Variants in ATG14 observed in about 807,000 individuals in gnomAD.
ATG14 encodes the protein autophagy related 14.
A neutral mutation model predicts 60.4 loss-of-function variants in ATG14; 35 were observed. That is an observed-to-expected ratio of 0.58 (90% CI 0.44 to 0.77). The LOEUF (loss-of-function observed/expected upper bound fraction) is 0.77. Ranked by LOEUF, ATG14 falls within the 30% of genes least tolerant of loss-of-function variation. The pLI, the probability that ATG14 is intolerant of heterozygous loss-of-function variation, is 0.00. For missense variants in ATG14, 647 were observed against 626.3 expected, an observed-to-expected ratio of 1.03 and a Z score of -0.35; for synonymous variants, 234 against 228.8, an observed-to-expected ratio of 1.02 and a Z score of -0.21.
At chr14:55,376,787 T>A (rs1884926296) in intron 9 of ATG14, among the ~76,000 whole-genome samples, 1 of 152,062 alleles carries the variant, frequency 6.6e-6, no homozygotes, top group South Asian at 2.1e-4. Flanking sequence ...CCATATCACA[T>A]CTCTGCAGAA....
Position 55,395,957 on chromosome 14 carries a change from AT to A in ATG14, c.309del (p.Lys103AsnfsTer3), listed in dbSNP as rs1290250509. The A allele has an allele frequency of 1.9e-6, 3 of 1,596,440 alleles. No homozygotes were observed. Among genetic ancestry groups the A allele is most frequent in the Non-Finnish European group, 1.7e-6 (2 of 1,173,164 alleles). On this transcript the variant is annotated frameshift_variant, in exon 3 of 10. Coordinates refer to ENST00000247178, the MANE Select transcript of ATG14 (RefSeq NM_014924.5). LOFTEE classifies it high-confidence loss of function. Reference sequence around the variant, plus strand: ...CAACTTACCAACTGATCTGTTATCCATTTTCCTTCCATAGCTTTTAACACTC... The same window carrying A: ...CAACTTACCAACTGATCTGTTATCCATTTCCTTCCATAGCTTTTAACACTC... Reference protein sequence around the residue: ...QKEVLKAMEGKWITDQLRWKI... With the variant: ...QKEVLKAMEGXWITDQLRWKI...
chr14:55,408,223 C>T (rs936081033), intron 1 of ATG14, among the ~76,000 whole-genome samples: 3 of 152,084 alleles, frequency 2.0e-5, no homozygotes, highest in African/African-American at 7.2e-5. Flanking sequence ...GAGGCTGAGG[C>T]TGGTGGATGG....
At chr14:55,386,169 A>G in intron 4 of ATG14, 73 bp from the exon 5 acceptor site, 1 of 1,264,530 alleles carries the variant, frequency 7.9e-7, no homozygotes, top group Middle Eastern at 1.9e-4. Context: ...TCCACCCCAC[A>G]AACATGCGTG....
chr14:55,378,359 T>G (rs1032965244), intron 7 of ATG14, among the ~76,000 whole-genome samples: 1 of 152,212 alleles, frequency 6.6e-6, no homozygotes, highest in African/African-American at 2.4e-5. Context: ...ATGTACAAGA[T>G]TATTTCTTGA....
In ATG14 at chr14:55,382,095, T is replaced by A; in HGVS notation, c.744A>T (p.Gly248=). The A allele has an allele frequency of 6.2e-7, 1 of 1,614,132 alleles. No individual in the cohort carries two copies. The highest frequency in any genetic ancestry group is 8.5e-7 in the Non-Finnish European group (1 of 1,180,012). Residue 248 remains glycine, a synonymous_variant, in exon 6 of 10, where the codon GGA becomes GGT. Transcript: ENST00000247178. ...AEARRTTYLS[G]RWVCDDHNGD... ...CGTTGTGATCGTCACAGACCCATCG[T>A]CCTGAGAGGTAAGTTGTCCTCCGGG...
intron 1 of ATG14, among the ~76,000 whole-genome samples, chr14:55,403,148 T>C (rs1175647629): frequency 6.6e-6 from 1 of 151,164 alleles, no homozygotes; most frequent in Non-Finnish European, 1.5e-5. Context: ...CAAAGTGTTG[T>C]TTAGTTTCCT....
intron 5 of ATG14, among the ~76,000 whole-genome samples, chr14:55,384,659 G>A (rs928535457): frequency 1.3e-5 from 2 of 152,324 alleles, no homozygotes; most frequent in Admixed American, 1.3e-4. Flanking sequence ...TTTTTAGGAA[G>A]CCAACTCTGG....
At chr14:55,398,874 A>G (rs926794654) in intron 1 of ATG14, among the ~76,000 whole-genome samples, 1 of 152,056 alleles carries the variant, frequency 6.6e-6, no homozygotes, top group African/African-American at 2.4e-5. Context: ...AAATTGTATG[A>G]CTAACATCAT....
Position 55,380,708 on chromosome 14 carries a change from C to A in ATG14, c.878-18G>T. 3.3e-6 allele frequency: 5 copies of A among 1,521,640 alleles called. No individual in the cohort carries two copies. Among genetic ancestry groups the A allele is most frequent in the Non-Finnish European group, 4.5e-6 (5 of 1,111,802 alleles). 94.3% of individuals were successfully genotyped at this position (1,521,640 alleles called of 1,614,324 possible). On this transcript the variant is annotated intron_variant, in intron 6 of 9. Coordinates refer to ENST00000247178, the MANE Select transcript of ATG14 (RefSeq NM_014924.5). ...CTCCATGTCTGCAGTAAGAAAACAA[C>A]CACCATGTACAAAACCTTAATTCCA...
intron 7 of ATG14, 112 bp downstream of exon 7, chr14:55,380,461 C>A (rs1275544689): frequency 1.6e-5 from 11 of 699,318 alleles, no homozygotes; most frequent in Non-Finnish European, 2.5e-5. Context: ...CCGACCTTCT[C>A]TGTCTTGGTA....
intron 2 of ATG14, among the ~76,000 whole-genome samples, chr14:55,396,224 A>G (rs1885312000): frequency 6.6e-6 from 1 of 152,212 alleles, no homozygotes. Context: ...AAATCTGCCT[A>G]ACAGTCTTAG....
chr14:55,388,301 G>A (rs1885158728), intron 4 of ATG14, among the ~76,000 whole-genome samples: 1 of 152,174 alleles, frequency 6.6e-6, no homozygotes, highest in African/African-American at 2.4e-5. Context: ...GTCATACAGT[G>A]GTCAGATTTC....
chr14:55,402,385 AT>A lies in ATG14; in HGVS notation c.222-4952del, dbSNP rs1387064235. ...TAAGCAATTGAGGGCCTAAAAAAAA[AT>A]ATTCGACCTTTTGATTCGGTTATTG... On this transcript the variant is annotated intron_variant, in intron 1 of 9. Transcript: ENST00000247178. Among the ~76,000 whole-genome samples, 17 of 152,324 alleles carry A rather than the reference AT, an allele frequency of 1.1e-4. No individual in the cohort carries two copies. The East Asian group carries it at 1.7e-3, about 16-fold the overall frequency.
chr14:55,383,067 A>T (rs1238213003), intron 5 of ATG14, among the ~76,000 whole-genome samples: 1 of 152,200 alleles, frequency 6.6e-6, no homozygotes, highest in Non-Finnish European at 1.5e-5. Context: ...CAAAAAGAGC[A>T]GCTAGTTCAG....
Position 55,382,196 on chromosome 14 carries a change from A to G in ATG14, c.648-5T>C. On this transcript the variant is annotated splice_polypyrimidine_tract_variant and splice_region_variant and intron_variant, in intron 5 of 9. Transcript: ENST00000247178. ...GAAGACACATCTGCGGGGTCTCTAC[A>G]AGTAGGAAGACACACACGGATTTTC... 2.5e-6 allele frequency: 4 copies of G among 1,613,810 alleles called. No homozygotes were observed. The highest frequency in any genetic ancestry group is 3.4e-6 in the Non-Finnish European group (4 of 1,179,692).
chr14:55,380,623 G>A lies in ATG14; in HGVS notation c.945C>T (p.Asn315=). 6.2e-7 allele frequency: 1 copy of A among 1,613,288 alleles called. No homozygotes were observed. Among genetic ancestry groups the A allele is most frequent in the Non-Finnish European group, 8.5e-7 (1 of 1,179,708 alleles). Residue 315 remains asparagine, a synonymous_variant, in exon 7 of 10, where the codon AAC becomes AAT. Transcript: ENST00000247178. ...TTACATCAAGTATATGAGACAGAATGTTGACCAGCTGAGTTGCATAGCACA... is the reference window on the plus strand; with the variant it reads ...TTACATCAAGTATATGAGACAGAATATTGACCAGCTGAGTTGCATAGCACA... ...AALCYATQLV[N]ILSHILDVNL...
intron 1 of ATG14, among the ~76,000 whole-genome samples, chr14:55,398,075 G>A (rs760130708): frequency 6.7e-6 from 1 of 149,902 alleles, no homozygotes; most frequent in Non-Finnish European, 1.5e-5. Flanking sequence ...AGCCTCCCAA[G>A]CAGCTGGGAC....
In ATG14 at chr14:55,394,633, C is replaced by G. The variant is rs570970234; in HGVS notation, c.327+1307G>C. Among the ~76,000 whole-genome samples the G allele has an allele frequency of 3.9e-5, 6 of 152,240 alleles. No homozygotes were observed. In the South Asian group the frequency reaches 1.2e-3, roughly 32 times the overall value. ...AGTTATTAGGAAAACAGGACTACCA[C>G]GACCAAAGAGCTCACAGAGTGCACG... On this transcript the variant is annotated intron_variant, in intron 3 of 9. Coordinates refer to ENST00000247178, the MANE Select transcript of ATG14 (RefSeq NM_014924.5).
Position 55,382,027 on chromosome 14 carries a change from G to C in ATG14, c.812C>G (p.Pro271Arg). The C allele has an allele frequency of 2.5e-6, 4 of 1,614,170 alleles. No individual in the cohort carries two copies. The highest frequency in any genetic ancestry group is 3.4e-6 in the Non-Finnish European group (4 of 1,180,036). Residue 271 changes from proline to arginine, a missense_variant, in exon 6 of 10, where the codon CCT (proline) becomes CGT (arginine). By Grantham distance (103) the Pro-to-Arg change is moderately radical. Coordinates refer to ENST00000247178, the MANE Select transcript of ATG14 (RefSeq NM_014924.5). ...GTAGGCAGAGTAGTCCCCATTGTTA[G>C]GGAGGCTAATCCAAGGCCCTGTAAT... ...ISITGPWISL[P>R]NNGDYSAYYS...
Sources: gnomAD v4.1 joint callset for allele counts (sites outside exome capture counted in the v4.1 genomes callset) on GRCh38, gnomAD v4.1.1 for gene constraint, MANE v1.5 for transcripts, NCBI Gene and HGNC (gene_info 2026-07-23, HGNC 2026-07-21) for gene names.